ADAMTS13: variants seen among roughly 807,000 people sequenced by gnomAD.
ADAMTS13 encodes the protein A disintegrin and metalloproteinase with thrombospondin motifs 13.
A neutral mutation model predicts 155.1 loss-of-function variants in ADAMTS13; 110 were observed. That is an observed-to-expected ratio of 0.71 (90% CI 0.61 to 0.83). The LOEUF (loss-of-function observed/expected upper bound fraction) is 0.83, where lower values mean the gene tolerates loss of function less well. ADAMTS13 is among the 40% of genes least tolerant of loss of function. The pLI, the probability that ADAMTS13 is intolerant of heterozygous loss-of-function variation, is 0.00. For missense variants in ADAMTS13, 1,707 were observed against 1,891.7 expected, an observed-to-expected ratio of 0.90 and a Z score of 1.81; for synonymous variants, 758 against 756.4, an observed-to-expected ratio of 1.00 and a Z score of -0.03.
rs1554785114 is a variant in ADAMTS13, at chr9:133,425,937, G to A, written c.415-1G>A. 7 of 1,613,508 alleles carry A rather than the reference G, an allele frequency of 4.3e-6. No individual in the cohort carries two copies. The highest frequency in any genetic ancestry group is 5.9e-6 in the Non-Finnish European group (7 of 1,180,018). On this transcript the variant is annotated splice_acceptor_variant, in intron 4 of 28. Coordinates refer to ENST00000355699, the MANE Select transcript of ADAMTS13 (RefSeq NM_139027.6). LOFTEE classifies it high-confidence loss of function. This position sits in a 1 kb window ranked among gnomAD's most constrained non-coding sequence, Gnocchi z 4.6. ...ATGCAGGCTTTGCTGTGGGTCCGCA[G>A]GGTGCTCCAAATATCACAGCCAACC...
In ADAMTS13 at chr9:133,450,652, G is replaced by A. The variant is rs587774081; in HGVS notation, c.3044+687G>A. Among the ~76,000 whole-genome samples, 13 of 152,282 alleles carry A rather than the reference G, an allele frequency of 8.5e-5. No homozygotes were observed. In the South Asian group the frequency reaches 2.3e-3, roughly 27 times the overall value. ...TCATCCCAGCTACTTCAGAGGCGGA[G>A]GCAGGAGAATCGCTTGAACCCGGGA... On this transcript the variant is annotated intron_variant, in intron 23 of 28. Transcript: ENST00000355699.
chr9:133,457,487 C>T (rs889514833), intron 27 of ADAMTS13, among the ~76,000 whole-genome samples: 1 of 152,266 alleles, frequency 6.6e-6, no homozygotes, highest in Admixed American at 6.5e-5. Flanking sequence ...GCTTCCCGGC[C>T]CAGCCCCGCC....
chr9:133,420,597 A>C (rs782436840), upstream of ADAMTS13, among the ~76,000 whole-genome samples: 4 of 152,358 alleles, frequency 2.6e-5, no homozygotes, highest in East Asian at 1.9e-4. Context: ...TGCAGGTCAC[A>C]GTCGATGGGT....
intron 27 of ADAMTS13, chr9:133,457,080 G>A (rs2130952625): frequency 2.6e-6 from 1 of 386,878 alleles, no homozygotes; most frequent in East Asian, 6.1e-5. Context: ...CCTCAGCCCT[G>A]TTTCAGTGCA....
chr9:133,433,834 G>C (rs974578609), intron 11 of ADAMTS13, 130 bp downstream of exon 11: 2 of 1,137,878 alleles, frequency 1.8e-6, no homozygotes, highest in African/African-American at 3.0e-5. Flanking sequence ...GGTGGCTTAT[G>C]CCTGTAATCC....
chr9:133,425,874 G>C lies in ADAMTS13; in HGVS notation c.415-64G>C. The C allele has an allele frequency of 6.2e-7, 1 of 1,605,744 alleles. No homozygotes were observed. Among genetic ancestry groups the C allele is most frequent in the East Asian group, 2.2e-5 (1 of 44,726 alleles). On this transcript the variant is annotated intron_variant, in intron 4 of 28. Coordinates refer to ENST00000355699, the MANE Select transcript of ADAMTS13 (RefSeq NM_139027.6). The surrounding 1 kb of genome is among the most constrained non-coding windows in gnomAD (Gnocchi z 4.6). ...AGGAGGACTAACTGGGAAACAAACC[G>C]ACCGCAGTCAGCACCGTGCCTGGTT...
chr9:133,448,874 C>T (rs1842248153), intron 22 of ADAMTS13, 146 bp downstream of exon 22: 12 of 1,324,518 alleles, frequency 9.1e-6, no homozygotes, highest in Non-Finnish European at 1.2e-5. Context: ...CGCCCCATCC[C>T]CCTGCCTCAC....
At chr9:133,446,950 G>C (rs28602660) in intron 21 of ADAMTS13, among the ~76,000 whole-genome samples, 1 of 151,960 alleles carries the variant, frequency 6.6e-6, no homozygotes, top group Non-Finnish European at 1.5e-5. Context: ...CTTCGCCTCC[G>C]GGGCTCAAGT....
upstream of ADAMTS13, among the ~76,000 whole-genome samples, chr9:133,417,388 A>G (rs1163089333): frequency 6.6e-6 from 1 of 152,264 alleles, no homozygotes; most frequent in Non-Finnish European, 1.5e-5. Flanking sequence ...CAAAAGGTAC[A>G]AGGGTTTATC....
chr9:133,448,467 C>A, intron 21 of ADAMTS13, 132 bp from the exon 22 acceptor site: 1 of 1,199,892 alleles, frequency 8.3e-7, no homozygotes, highest in Non-Finnish European at 1.2e-6. Flanking sequence ...TGAGGTCACA[C>A]AGCTGGTAAG....
In ADAMTS13 at chr9:133,436,858, G is replaced by A. The variant is rs781815925; in HGVS notation, c.1338G>A (p.Met446Ile). ...QACEKTQLEFMSQQCARTDGQ... is the reference protein window; with the variant it reads ...QACEKTQLEFISQQCARTDGQ... ...GCGAGAAGACCCAGCTGGAGTTCAT[G>A]TCGCAACAGTGCGCCAGGACCGACG... Residue 446 changes from methionine (M) to isoleucine (I), a missense_variant, in exon 12 of 29, where the codon ATG becomes ATA. Around this residue, in one of 3 missense-constraint regions of ADAMTS13, gnomAD observed 733 missense variants for 749.6 expected, o/e 0.98. Coordinates refer to ENST00000355699, the MANE Select transcript of ADAMTS13 (RefSeq NM_139027.6). The A allele has an allele frequency of 1.9e-6, 3 of 1,586,584 alleles. No homozygotes were observed. The highest frequency in any genetic ancestry group is 2.6e-6 in the Non-Finnish European group (3 of 1,168,610).
Position 133,448,014 on chromosome 9 carries a change from G to A in ADAMTS13, c.2732-585G>A, listed in dbSNP as rs1357121303. Among the ~76,000 whole-genome samples the A allele has an allele frequency of 8.7e-5, 12 of 137,858 alleles. No individual in the cohort carries two copies. In the Admixed American group the frequency reaches 8.9e-4, roughly 10 times the overall value. 90.4% of individuals were successfully genotyped at this position (137,858 alleles called of 152,430 possible). On this transcript the variant is annotated intron_variant, in intron 21 of 28. Coordinates refer to ENST00000355699, the MANE Select transcript of ADAMTS13 (RefSeq NM_139027.6). ...TTTTTCTTTTTTTTTTTTTTGAGATGGAGTCTCGCTCTGTCACCCAGGCTG... is the reference window on the plus strand; with the variant it reads ...TTTTTCTTTTTTTTTTTTTTGAGATAGAGTCTCGCTCTGTCACCCAGGCTG...
intron 14 of ADAMTS13, among the ~76,000 whole-genome samples, chr9:133,438,706 G>A (rs994320682): frequency 1.3e-5 from 2 of 152,250 alleles, no homozygotes; most frequent in South Asian, 4.2e-4. Context: ...CTGTAGTCGG[G>A]AGATCACCTA....
rs1554792451 is a variant in ADAMTS13 at position 133,445,838 on chromosome 9, C to G, written c.2731+19C>G. ...GGGCGAGGTGAGGGCCCCCGGGATG[C>G]TCCTGGGGACCAGCACTCATGGTAA... On this transcript the variant is annotated intron_variant, in intron 21 of 28. Coordinates refer to ENST00000355699, the MANE Select transcript of ADAMTS13 (RefSeq NM_139027.6). This position sits in a 1 kb window ranked among gnomAD's most constrained non-coding sequence, Gnocchi z 5.0. 3 of 1,558,744 alleles carry G rather than the reference C, an allele frequency of 1.9e-6. No homozygotes were observed. The highest frequency in any genetic ancestry group is 2.6e-6 in the Non-Finnish European group (3 of 1,146,934).
intron 8 of ADAMTS13, among the ~76,000 whole-genome samples, chr9:133,431,719 A>G (rs781931458): frequency 1.3e-5 from 2 of 152,066 alleles, no homozygotes; most frequent in African/African-American, 2.4e-5. Flanking sequence ...CAGTGGCTCA[A>G]TCTTGGCTCA....
At position 133,449,942 on chromosome 9, in the gene ADAMTS13, C is replaced by T; in HGVS notation, c.3021C>T (p.Cys1007=). 1.2e-6 allele frequency: 2 copies of T among 1,607,586 alleles called. No homozygotes were observed. The highest frequency in any genetic ancestry group is 1.1e-5 in the South Asian group (1 of 90,200). ...GLPRPEPQEA[C]SLEPCPPRWK... ...CTCGCCCGGAACCCCAGGAGGCCTG[C>T]AGCCTGGAGCCCTGCCCACCTAGGT... Residue 1007 remains cysteine (C), a synonymous_variant, in exon 23 of 29, where the codon TGC becomes TGT. Coordinates refer to ENST00000355699, the MANE Select transcript of ADAMTS13 (RefSeq NM_139027.6).
intron 7 of ADAMTS13, 135 bp downstream of exon 7, chr9:133,428,906 C>G (rs1402781036): frequency 7.8e-6 from 8 of 1,022,034 alleles, no homozygotes. Flanking sequence ...CCAACCCACC[C>G]CTCCGTCCAA....
At position 133,425,527 on chromosome 9, in the gene ADAMTS13, A is replaced by G; in HGVS notation, c.331-2A>G. The G allele has an allele frequency of 6.2e-7, 1 of 1,612,714 alleles. No individual in the cohort carries two copies. The highest frequency in any genetic ancestry group is 1.7e-5 in the Admixed American group (1 of 59,890). ...TTACCTCTCTCATCTGCCCTTGCAC[A>G]GGGGGCAGAACTGCTTCGGGACCCG... On this transcript the variant is annotated splice_acceptor_variant, in intron 3 of 28. Coordinates refer to ENST00000355699, the MANE Select transcript of ADAMTS13 (RefSeq NM_139027.6). LOFTEE classifies it high-confidence loss of function. This position sits in a 1 kb window ranked among gnomAD's most constrained non-coding sequence, Gnocchi z 4.6.
intron 9 of ADAMTS13, 80 bp downstream of exon 9, chr9:133,432,772 G>A: frequency 7.2e-7 from 1 of 1,383,770 alleles, no homozygotes; most frequent in South Asian, 1.2e-5. Flanking sequence ...CTATTCCTAG[G>A]TCAGGAGGCA....
Sources: allele counts gnomAD v4.1 joint callset (sites outside exome capture counted in the v4.1 genomes callset), GRCh38; gene constraint gnomAD v4.1.1; regional missense constraint gnomAD v4.1.1; non-coding constraint Gnocchi (gnomAD v3.1); transcripts MANE v1.5; gene names NCBI Gene and HGNC (gene_info 2026-07-23, HGNC 2026-07-21).